The following EPAS1 variants were observed in gnomAD, a reference collection of about 807,000 sequenced individuals.
EPAS1 encodes endothelial PAS domain-containing protein 1.
EPAS1 carries 23 observed loss-of-function variants against 87.9 expected under a neutral mutation model. The observed-to-expected ratio is 0.26, with a 90% confidence interval of 0.19 to 0.37. The LOEUF (loss-of-function observed/expected upper bound fraction) is 0.37, where lower values mean the gene tolerates loss of function less well. EPAS1 is among the 10% of genes least tolerant of loss of function. The probability of loss-of-function intolerance (pLI) is 1.00; values close to 1 mark genes in which losing one functional copy is unlikely to be tolerated. For missense variants in EPAS1, 1,138 were observed against 1,120.7 expected (o/e 1.02, Z -0.22); for synonymous variants, 508 against 444.3 (o/e 1.14, Z -1.80).
intron 1 of EPAS1, among the ~76,000 whole-genome samples, chr2:46,320,086 T>A (rs1041286036): frequency 2.6e-5 from 4 of 152,240 alleles, no homozygotes; most frequent in Non-Finnish European, 5.9e-5. Context: ...TTCAATTTAT[T>A]CACCCTGGAC....
intron 1 of EPAS1, among the ~76,000 whole-genome samples, chr2:46,336,666 C>G (rs923549754): frequency 6.6e-6 from 1 of 152,216 alleles, no homozygotes; most frequent in Non-Finnish European, 1.5e-5. Flanking sequence ...GCAGGCAGCA[C>G]TAACCCTGCC....
intron 1 of EPAS1, among the ~76,000 whole-genome samples, chr2:46,320,449 C>T (rs1401139160): frequency 2.0e-5 from 3 of 152,192 alleles, no homozygotes; most frequent in South Asian, 2.1e-4. Flanking sequence ...GAAAAGTGCA[C>T]GCCGCTTGCA....
In EPAS1 at chr2:46,305,602, C is replaced by T. The variant is rs1478438741; in HGVS notation, c.26+7665C>T. Among the ~76,000 whole-genome samples, 2 of 152,102 alleles carry T rather than the reference C, an allele frequency of 1.3e-5. 1 individual carries two copies. Among genetic ancestry groups the T allele is most frequent in the Admixed American group, 1.3e-4 (2 of 15,262 alleles). On this transcript the variant is annotated intron_variant, in intron 1 of 15. Coordinates refer to ENST00000263734, the MANE Select transcript of EPAS1 (RefSeq NM_001430.5). ...GTCTTGTCAATGAGAAAAATGACCC[C>T]ATTGAAACATATGTTTATTTGCCAT...
intron 2 of EPAS1, among the ~76,000 whole-genome samples, chr2:46,354,110 G>A (rs953541473): frequency 1.3e-5 from 2 of 152,190 alleles, no homozygotes; most frequent in Admixed American, 1.3e-4. Flanking sequence ...ATAACAGCAG[G>A]TAACCCAAAG....
At chr2:46,325,204 G>C (rs1259859275) in intron 1 of EPAS1, among the ~76,000 whole-genome samples, 1 of 152,206 alleles carries the variant, frequency 6.6e-6, no homozygotes, top group Non-Finnish European at 1.5e-5. Context: ...TATGTTCTAG[G>C]TTAGAGTCTT....
rs1684617418 is a variant in EPAS1 at position 46,371,020 on chromosome 2, G to C, written c.886+1087G>C. 6.6e-6 allele frequency among the ~76,000 whole-genome samples: 1 copy of C among 152,140 alleles called. No homozygotes were observed. The highest frequency in any genetic ancestry group is 6.5e-5 in the Admixed American group (1 of 15,270). On this transcript the variant is annotated intron_variant, in intron 7 of 15. Transcript: ENST00000263734. This position sits in a 1 kb window ranked among gnomAD's most constrained non-coding sequence, Gnocchi z 4.3. Reference sequence around the variant, plus strand: ...AACCTCAGTATCTAGCATAGCGTCTGGTACAGAACAGGCACTAAATGCACT... The same window carrying C: ...AACCTCAGTATCTAGCATAGCGTCTCGTACAGAACAGGCACTAAATGCACT...
rs1235129344 is a variant in EPAS1, at chr2:46,375,380, C to T, written c.887-310C>T. ...GCTTATAGCTGAGCTGGTCTGTGAG[C>T]CTGACTTGTCCAGGGATTGGTGATG... On this transcript the variant is annotated intron_variant, in intron 7 of 15. Coordinates refer to ENST00000263734, the MANE Select transcript of EPAS1 (RefSeq NM_001430.5). The surrounding 1 kb of genome is among the most constrained non-coding windows in gnomAD (Gnocchi z 4.1). Among the ~76,000 whole-genome samples the T allele has an allele frequency of 6.6e-6, 1 of 152,078 alleles. No homozygotes were observed. Among genetic ancestry groups the T allele is most frequent in the Non-Finnish European group, 1.5e-5 (1 of 68,012 alleles).
chr2:46,315,367 A>T (rs1683293987), intron 1 of EPAS1, among the ~76,000 whole-genome samples: 1 of 152,162 alleles, frequency 6.6e-6, no homozygotes, highest in African/African-American at 2.4e-5. Flanking sequence ...GACGGAGGTG[A>T]GTCACAGTGC....
Position 46,346,917 on chromosome 2 carries a change from G to A in EPAS1, c.71G>A (p.Arg24Gln), listed in dbSNP as rs1255219046. The change falls in exon 2 of 16, where the codon CGG (arginine) becomes CAG (glutamine). Residue 24 changes from arginine (R) to glutamine (Q), a missense_variant. Arg to Gln is a conservative substitution (Grantham distance 43). Coordinates refer to ENST00000263734, the MANE Select transcript of EPAS1 (RefSeq NM_001430.5). The surrounding 1 kb of genome is among the most constrained non-coding windows in gnomAD (Gnocchi z 4.0). ...AAGGAGAAGTCCCGGGATGCTGCGC[G>A]GTGCCGGCGGAGCAAGGAGACGGAG... ...RRKEKSRDAA[R>Q]CRRSKETEVF... is the part of the protein sequence containing the mutation. The A allele has an allele frequency of 2.5e-6, 4 of 1,614,210 alleles. No individual in the cohort carries two copies. Among genetic ancestry groups the A allele is most frequent in the East Asian group, 4.5e-5 (2 of 44,880 alleles).
intron 6 of EPAS1, among the ~76,000 whole-genome samples, chr2:46,367,940 G>A (rs1237690653): frequency 1.3e-5 from 2 of 152,170 alleles, no homozygotes; most frequent in Non-Finnish European, 2.9e-5. Context: ...CACACATTGA[G>A]ACAGTTAATC....
chr2:46,375,599 G>T lies in EPAS1; in HGVS notation c.887-91G>T. On this transcript the variant is annotated intron_variant, in intron 7 of 15. Coordinates refer to ENST00000263734, the MANE Select transcript of EPAS1 (RefSeq NM_001430.5). The surrounding 1 kb of genome is among the most constrained non-coding windows in gnomAD (Gnocchi z 4.1). ...GCCCTGTTCTGTCTGTTCCCCTGCA[G>T]ATTAGACTGCCCTCCCATGCGATCT... 1 of 1,502,658 alleles carries T rather than the reference G, an allele frequency of 6.7e-7. No homozygotes were observed. Among genetic ancestry groups the T allele is most frequent in the Admixed American group, 1.9e-5 (1 of 51,390 alleles). 93.1% of individuals were successfully genotyped at this position (1,502,658 alleles called of 1,614,324 possible). A position where few individuals can be genotyped will look rare whatever the true frequency, so the allele number is the denominator to read the frequency against.
intron 11 of EPAS1, chr2:46,379,992 T>G: frequency 3.1e-6 from 2 of 641,466 alleles, no homozygotes. Flanking sequence ...TTTCTCAATG[T>G]GCAGGGTGAA....
chr2:46,334,500 C>G (rs1462325516), intron 1 of EPAS1, among the ~76,000 whole-genome samples: 1 of 152,140 alleles, frequency 6.6e-6, no homozygotes, highest in Non-Finnish European at 1.5e-5. Context: ...TCTTTCAAAG[C>G]CAACCTCCAG....
At chr2:46,372,421 G>A (rs1030783832) in intron 7 of EPAS1, among the ~76,000 whole-genome samples, 2 of 152,142 alleles carry the variant, frequency 1.3e-5, no homozygotes, top group African/African-American at 4.8e-5. Flanking sequence ...TCACACACTG[G>A]GATCCCCCAT....
rs551083166 is a variant in EPAS1, at chr2:46,340,864, C to T, written c.27-6009C>T. Among the ~76,000 whole-genome samples, 13 of 152,052 alleles carry T rather than the reference C, an allele frequency of 8.5e-5. No individual in the cohort carries two copies. The South Asian group carries it at 1.3e-3, about 15-fold the overall frequency. The stretch of plus-strand genomic sequence containing the variant: ...CAGCCTCTTGAGTAGCTGGGACCAC[C>T]GGTGTGTGCCACCGTGCCCAGCTAA... On this transcript the variant is annotated intron_variant, in intron 1 of 15. Transcript: ENST00000263734.
At chr2:46,310,861 C>T (rs1003343389) in intron 1 of EPAS1, among the ~76,000 whole-genome samples, 4 of 152,092 alleles carry the variant, frequency 2.6e-5, no homozygotes, top group African/African-American at 9.7e-5. Context: ...AATTTAACCT[C>T]ACAATGACAA....
rs536627622 is a variant in EPAS1 at position 46,346,878 on chromosome 2, G to A, written c.32G>A (p.Ser11Asn). 4.0e-5 allele frequency: 64 copies of A among 1,614,214 alleles called. No individual in the cohort carries two copies. The highest frequency in any genetic ancestry group is 5.1e-5 in the Non-Finnish European group (60 of 1,180,034). The change falls in exon 2 of 16, where the codon AGC (serine) becomes AAC (asparagine). Residue 11 changes from serine to asparagine, a missense_variant. Physicochemically the swap from Ser to Asn is conservative, Grantham distance 46. Coordinates refer to ENST00000263734, the MANE Select transcript of EPAS1 (RefSeq NM_001430.5). The surrounding 1 kb of genome is among the most constrained non-coding windows in gnomAD (Gnocchi z 4.0). MTADKEKKRSSSERRKEKSRD... is the reference protein window; with the variant it reads MTADKEKKRSNSERRKEKSRD... ...ACCCCTTCTTCTCCACTTAGGAGTA[G>A]CTCGGAGAGGAGGAAGGAGAAGTCC...
chr2:46,366,459 A>G (rs1241875215), intron 6 of EPAS1, among the ~76,000 whole-genome samples: 2 of 152,070 alleles, frequency 1.3e-5, no homozygotes, highest in Non-Finnish European at 2.9e-5. Context: ...TGTATTTTCT[A>G]TTTCCTTTCA....
intron 1 of EPAS1, among the ~76,000 whole-genome samples, chr2:46,307,201 C>T (rs1428022952): frequency 1.3e-5 from 2 of 152,162 alleles, no homozygotes; most frequent in Non-Finnish European, 2.9e-5. Flanking sequence ...CTGAGGTCAA[C>T]GAAGCTAATT....
Sources: allele counts gnomAD v4.1 joint callset (sites outside exome capture counted in the v4.1 genomes callset), GRCh38; gene constraint gnomAD v4.1.1; non-coding constraint Gnocchi (gnomAD v3.1); transcripts MANE v1.5; gene names NCBI Gene and HGNC (gene_info 2026-07-23, HGNC 2026-07-21).